DDX10: variants seen among roughly 807,000 people sequenced by gnomAD.
DDX10 encodes the protein probable ATP-dependent RNA helicase DDX10.
Under a neutral mutation model 104.3 loss-of-function variants are expected in DDX10, and 74 were observed. The ratio of observed to expected loss-of-function variants is 0.71; its 90% CI spans 0.59 to 0.86. DDX10 has a LOEUF of 0.86. Ranked by LOEUF, DDX10 falls within the 40% of genes least tolerant of loss-of-function variation. DDX10 has a pLI of 0.00. For synonymous variants in DDX10, 351 were observed against 353.4 expected (o/e 0.99, Z 0.08); for missense variants, 952 against 1,040.0 (o/e 0.92, Z 1.16).
intron 2 of DDX10, among the ~76,000 whole-genome samples, chr11:108,674,518 T>C (rs563183650): frequency 5.6e-4 from 82 of 146,916 alleles, no homozygotes; most frequent in Admixed American, 3.6e-3. Flanking sequence ...AGATCTCTCT[T>C]TTTTTTTTTT....
At chr11:108,876,964 A>T (rs1344879725) in intron 16 of DDX10, among the ~76,000 whole-genome samples, 1 of 152,164 alleles carries the variant, frequency 6.6e-6, no homozygotes, top group Admixed American at 6.5e-5. Flanking sequence ...TTGGTTTGAT[A>T]GTGGTTAGTC....
intron 11 of DDX10, among the ~76,000 whole-genome samples, chr11:108,717,877 G>A (rs2094293512): frequency 6.6e-6 from 1 of 152,146 alleles, no homozygotes; most frequent in African/African-American, 2.4e-5. Context: ...TGTCTTGGAT[G>A]GCTGGTTGGG....
chr11:108,725,612 A>C (rs1274251225), intron 13 of DDX10, among the ~76,000 whole-genome samples: 1 of 152,000 alleles, frequency 6.6e-6, no homozygotes, highest in Non-Finnish European at 1.5e-5. Context: ...TTCTTTGGTG[A>C]AATGTCTTCA....
At chr11:108,900,078 C>G (rs1863495773) in intron 16 of DDX10, among the ~76,000 whole-genome samples, 1 of 152,064 alleles carries the variant, frequency 6.6e-6, no homozygotes, top group South Asian at 2.1e-4. Flanking sequence ...CGTCACTGCA[C>G]TCCAGCCTGG....
chr11:108,788,021 G>C (rs200341287), intron 13 of DDX10, among the ~76,000 whole-genome samples: 1 of 152,270 alleles, frequency 6.6e-6, no homozygotes, highest in Non-Finnish European at 1.5e-5. Context: ...TGGCTATTTT[G>C]TCTTTCAAGC....
chr11:108,694,267 A>T (rs533387903), intron 9 of DDX10, among the ~76,000 whole-genome samples: 6 of 152,174 alleles, frequency 3.9e-5, no homozygotes, highest in Non-Finnish European at 8.8e-5. Context: ...TACTTACTGT[A>T]TTATTAAATC....
rs566919637 is a variant in DDX10 at position 108,686,529 on chromosome 11, G to T, written c.849-2407G>T. ...ATTGGTTGCTTTCACTTAATATTAC[G>T]CATTTAAGATTGCTCCATGTCTTTT... is the stretch of plus-strand genomic sequence containing the variant. On this transcript the variant is annotated intron_variant, in intron 6 of 17. Coordinates refer to ENST00000322536, the MANE Select transcript of DDX10 (RefSeq NM_004398.4). Among the ~76,000 whole-genome samples the T allele has an allele frequency of 3.3e-5, 5 of 152,144 alleles. No homozygotes were observed. In the East Asian group the frequency reaches 7.7e-4, roughly 24 times the overall value.
At chr11:108,818,974 C>T (rs769498861) in intron 13 of DDX10, among the ~76,000 whole-genome samples, 4 of 152,136 alleles carry the variant, frequency 2.6e-5, no homozygotes, top group Non-Finnish European at 4.4e-5. Context: ...CCTAACTTAA[C>T]GTTGATGGTT....
chr11:108,806,433 A>G (rs556484618), intron 13 of DDX10, among the ~76,000 whole-genome samples: 20 of 152,318 alleles, frequency 1.3e-4, no homozygotes, highest in Non-Finnish European at 1.6e-4. Context: ...TATCCATACA[A>G]TCGTTCAGGT....
intron 13 of DDX10, among the ~76,000 whole-genome samples, chr11:108,833,881 A>G (rs1340623397): frequency 6.6e-6 from 1 of 152,220 alleles, no homozygotes; most frequent in East Asian, 1.9e-4. Context: ...AGTAAGAAGT[A>G]TACTTTTGGA....
At chr11:108,793,605 G>T (rs1287589805) in intron 13 of DDX10, among the ~76,000 whole-genome samples, 1 of 152,032 alleles carries the variant, frequency 6.6e-6, no homozygotes, top group Non-Finnish European at 1.5e-5. Flanking sequence ...ACTGTGAATT[G>T]CTTTTATATG....
At chr11:108,795,294 T>A (rs1861925357) in intron 13 of DDX10, among the ~76,000 whole-genome samples, 1 of 147,558 alleles carries the variant, frequency 6.8e-6, no homozygotes, top group African/African-American at 2.6e-5. Flanking sequence ...TTTTTTTTTT[T>A]ATGGGAGGGT....
intron 6 of DDX10, among the ~76,000 whole-genome samples, chr11:108,683,487 T>C (rs1591790480): frequency 6.6e-6 from 1 of 152,186 alleles, no homozygotes; most frequent in South Asian, 2.1e-4. Context: ...TTCTGTTTTT[T>C]CCTTTAGCAC....
At chr11:108,888,904 G>A (rs1863338311) in intron 16 of DDX10, among the ~76,000 whole-genome samples, 1 of 152,072 alleles carries the variant, frequency 6.6e-6, no homozygotes. Context: ...AACATAGTTT[G>A]TAGCTAGAAG....
chr11:108,908,835 C>T (rs1863630737), intron 16 of DDX10, among the ~76,000 whole-genome samples: 5 of 152,166 alleles, frequency 3.3e-5, no homozygotes, highest in Admixed American at 1.3e-4. Context: ...AAGTGCTTTA[C>T]CTATGTTGTT....
At chr11:108,831,769 A>G (rs1862476771) in intron 13 of DDX10, among the ~76,000 whole-genome samples, 2 of 152,028 alleles carry the variant, frequency 1.3e-5, no homozygotes, top group Admixed American at 1.3e-4. Context: ...CATTGATTAT[A>G]TTTTGAATTT....
intron 13 of DDX10, among the ~76,000 whole-genome samples, chr11:108,771,073 A>C (rs1357060295): frequency 6.6e-6 from 1 of 152,110 alleles, no homozygotes; most frequent in Non-Finnish European, 1.5e-5. Context: ...ACCTCATTGT[A>C]GTTTTGATTT....
rs1402357962 is a variant in DDX10, at chr11:108,680,290, C to T, written c.848+730C>T. 3.3e-5 allele frequency among the ~76,000 whole-genome samples: 5 copies of T among 152,332 alleles called. 1 individual carries two copies. In the South Asian group the frequency reaches 1.0e-3, roughly 32 times the overall value. On this transcript the variant is annotated intron_variant, in intron 6 of 17. Transcript: ENST00000322536. ...AGTGCAGTTGTGTGAATATAGCTCA[C>T]TACAGCCTTCAACTTCTGGGCTCAA... is the stretch of plus-strand genomic sequence containing the variant.
chr11:108,850,767 G>A (rs570335533), intron 15 of DDX10, among the ~76,000 whole-genome samples: 1 of 152,282 alleles, frequency 6.6e-6, no homozygotes, highest in East Asian at 1.9e-4. Context: ...GGAGTATGAA[G>A]TGTAGTGGTG....
Sources: allele counts gnomAD v4.1 joint callset (sites outside exome capture counted in the v4.1 genomes callset), GRCh38; gene constraint gnomAD v4.1.1; transcripts MANE v1.5; gene names NCBI Gene and HGNC (gene_info 2026-07-23, HGNC 2026-07-21).